SLC24A3: variants seen among roughly 807,000 people sequenced by gnomAD.
SLC24A3 encodes sodium/potassium/calcium exchanger 3.
In SLC24A3, 28 loss-of-function variants were observed where a neutral mutation model predicts 75.8. The observed-to-expected ratio is 0.37, with a 90% CI of 0.27 to 0.51. The LOEUF is 0.51. SLC24A3 is among the 20% of genes least tolerant of loss of function. The probability of loss-of-function intolerance (pLI) is 0.94; values close to 1 mark genes in which losing one functional copy is unlikely to be tolerated. For missense variants in SLC24A3, 663 were observed against 847.8 expected, an observed-to-expected ratio of 0.78 and a Z score of 2.71; for synonymous variants, 372 against 334.1, an observed-to-expected ratio of 1.11 and a Z score of -1.24.
intron 15 of SLC24A3, among the ~76,000 whole-genome samples, chr20:19,704,355 G>A (rs550838759): frequency 2.0e-5 from 3 of 152,286 alleles, no homozygotes; most frequent in South Asian, 2.1e-4. Context: ...CACTGTATTC[G>A]CATGGTCTCA....
At chr20:19,570,240 A>C (rs1291007829) in intron 3 of SLC24A3, among the ~76,000 whole-genome samples, 1 of 152,130 alleles carries the variant, frequency 6.6e-6, no homozygotes, top group African/African-American at 2.4e-5. Flanking sequence ...TAACAAGCAG[A>C]TCTTGGGAGA....
chr20:19,440,006 G>GATTT (rs1304731486), intron 2 of SLC24A3, among the ~76,000 whole-genome samples: 4 of 152,094 alleles, frequency 2.6e-5, no homozygotes, highest in Non-Finnish European at 5.9e-5. Flanking sequence ...TATTCCTATG[G>GATTT]ATTTATTATA....
At chr20:19,283,750 T>C (rs554715678) in intron 2 of SLC24A3, among the ~76,000 whole-genome samples, 20 of 152,252 alleles carry the variant, frequency 1.3e-4, no homozygotes, top group Admixed American at 2.6e-4. Flanking sequence ...ATCATTCTGA[T>C]CTTTCATGAT....
intron 4 of SLC24A3, among the ~76,000 whole-genome samples, chr20:19,583,544 G>A (rs908115180): frequency 3.3e-5 from 5 of 152,180 alleles, no homozygotes; most frequent in African/African-American, 9.7e-5. Context: ...GTGAACTGGG[G>A]ATGATGGAGG....
At chr20:19,478,794 A>G (rs1409098981) in intron 2 of SLC24A3, among the ~76,000 whole-genome samples, 3 of 152,208 alleles carry the variant, frequency 2.0e-5, no homozygotes, top group African/African-American at 7.2e-5. Context: ...ATGATGAGGA[A>G]CTGCAAACCA....
At chr20:19,663,062 C>T (rs2032348933) in intron 7 of SLC24A3, among the ~76,000 whole-genome samples, 1 of 152,052 alleles carries the variant, frequency 6.6e-6, no homozygotes, top group South Asian at 2.1e-4. Flanking sequence ...ATGAGGAAGC[C>T]CTGCTTCTGT....
intron 2 of SLC24A3, among the ~76,000 whole-genome samples, chr20:19,396,136 G>C (rs1017610676): frequency 3.4e-5 from 5 of 148,154 alleles, no homozygotes; most frequent in Non-Finnish European, 5.9e-5. Flanking sequence ...CTCGTTACCA[G>C]ATGTTTAAAT....
intron 3 of SLC24A3, among the ~76,000 whole-genome samples, chr20:19,565,267 G>A (rs550589117): frequency 1.4e-4 from 21 of 152,304 alleles, no homozygotes; most frequent in Non-Finnish European, 2.8e-4. Context: ...TTCCTTGTTT[G>A]TGTGTCTATC....
chr20:19,582,752 A>G (rs2031236499), intron 4 of SLC24A3, among the ~76,000 whole-genome samples: 1 of 152,216 alleles, frequency 6.6e-6, no homozygotes, highest in South Asian at 2.1e-4. Flanking sequence ...AGACAGCCTC[A>G]GCTGCACTGA....
intron 2 of SLC24A3, among the ~76,000 whole-genome samples, chr20:19,456,075 T>C (rs1374166997): frequency 1.3e-5 from 2 of 152,192 alleles, no homozygotes; most frequent in Non-Finnish European, 2.9e-5. Context: ...CCACAAGTCC[T>C]ATGTTTGCCC....
intron 2 of SLC24A3, among the ~76,000 whole-genome samples, chr20:19,381,855 G>A (rs16980464): frequency 0.012 from 1,839 of 152,238 alleles, 38 homozygotes; most frequent in African/African-American, 0.039. Flanking sequence ...AAAAATCTGC[G>A]TTTGTCTAGC....
intron 2 of SLC24A3, among the ~76,000 whole-genome samples, chr20:19,299,391 G>A (rs1350209826): frequency 6.6e-6 from 1 of 152,086 alleles, no homozygotes. Flanking sequence ...TAGAATGAGA[G>A]GAAAAACATT....
At chr20:19,696,696 T>C in intron 13 of SLC24A3, 101 bp from the exon 14 acceptor site, 1 of 759,154 alleles carries the variant, frequency 1.3e-6, no homozygotes, top group East Asian at 2.5e-5. Flanking sequence ...CCCACAGAGA[T>C]AGCCCAGACC....
intron 12 of SLC24A3, among the ~76,000 whole-genome samples, chr20:19,692,234 T>C (rs908511217): frequency 6.6e-6 from 1 of 152,238 alleles, no homozygotes; most frequent in Non-Finnish European, 1.5e-5. Context: ...CAGTTTCTTA[T>C]AAAGTTAAAT....
intron 13 of SLC24A3, chr20:19,695,330 T>G (rs1238235688): frequency 6.6e-6 from 1 of 152,236 alleles, no homozygotes; most frequent in Non-Finnish European, 1.5e-5. Flanking sequence ...TTATGGCAAG[T>G]GAGGGAGATC....
At chr20:19,513,057 C>T (rs953219250) in intron 2 of SLC24A3, among the ~76,000 whole-genome samples, 4 of 152,148 alleles carry the variant, frequency 2.6e-5, no homozygotes, top group African/African-American at 9.7e-5. Context: ...CCTTTCAACC[C>T]TAGGACTGGC....
chr20:19,520,665 C>T (rs2030082050), intron 3 of SLC24A3, among the ~76,000 whole-genome samples: 1 of 152,178 alleles, frequency 6.6e-6, no homozygotes, highest in Non-Finnish European at 1.5e-5. Flanking sequence ...AACATCACTC[C>T]TTTTGGTGTC....
intron 2 of SLC24A3, among the ~76,000 whole-genome samples, chr20:19,450,064 G>A (rs535733003): frequency 6.6e-6 from 1 of 152,224 alleles, no homozygotes; most frequent in East Asian, 1.9e-4. Flanking sequence ...CTTTGGAATG[G>A]GTCAACACAA....
chr20:19,598,219 C>T (rs1371318257), intron 6 of SLC24A3, among the ~76,000 whole-genome samples: 3 of 152,260 alleles, frequency 2.0e-5, no homozygotes, highest in South Asian at 4.1e-4. Flanking sequence ...TTTGTGGCCT[C>T]CTGCTGCAGC....
Sources: allele counts gnomAD v4.1 joint callset (sites outside exome capture counted in the v4.1 genomes callset), GRCh38; gene constraint gnomAD v4.1.1; transcripts MANE v1.5; gene names NCBI Gene and HGNC (gene_info 2026-07-23, HGNC 2026-07-21).